Variants in PCDHGA2 observed in about 807,000 individuals in gnomAD.
PCDHGA2 encodes the protein protocadherin gamma-A2.
In PCDHGA2, 40 loss-of-function variants were observed where a neutral mutation model predicts 59.2. That is an observed-to-expected ratio of 0.68 (90% confidence interval 0.52 to 0.88). The LOEUF (loss-of-function observed/expected upper bound fraction) is 0.88. Among genes scored for constraint, PCDHGA2 ranks in the 40% least tolerant of loss-of-function variants. The probability of loss-of-function intolerance (pLI) is 0.00; values close to 1 mark genes in which losing one functional copy is unlikely to be tolerated. For missense variants in PCDHGA2, 1,226 were observed against 1,204.0 expected, an observed-to-expected ratio of 1.02 and a Z score of -0.27; for synonymous variants, 560 against 526.0, an observed-to-expected ratio of 1.06 and a Z score of -0.89.
At chr5:141,461,757 G>A (rs2099022119) in intron 1 of PCDHGA2, among the ~76,000 whole-genome samples, 1 of 151,994 alleles carries the variant, frequency 6.6e-6, no homozygotes, top group Non-Finnish European at 1.5e-5. Context: ...AGATTCAAGC[G>A]ATTCTCCTGC....
chr5:141,462,657 T>G (rs949098251), intron 1 of PCDHGA2, among the ~76,000 whole-genome samples: 1 of 152,164 alleles, frequency 6.6e-6, no homozygotes, highest in East Asian at 1.9e-4. Flanking sequence ...TCCTCAATTA[T>G]CTTCATATTT....
In PCDHGA2 at chr5:141,445,206, A is replaced by G. The variant is rs1244524491; in HGVS notation, c.2425-49601A>G. On this transcript the variant is annotated intron_variant, in intron 1 of 3. Transcript: ENST00000394576. ...TTTTTATGTATTCTATATGCTTTTGAAAAGTAAGAGGTGCAAAGTGCTCTA... is the reference window on the plus strand; with the variant it reads ...TTTTTATGTATTCTATATGCTTTTGGAAAGTAAGAGGTGCAAAGTGCTCTA... 3.3e-5 allele frequency among the ~76,000 whole-genome samples: 5 copies of G among 152,182 alleles called. No individual in the cohort carries two copies. The East Asian group carries it at 7.7e-4, about 23-fold the overall frequency.
In PCDHGA2 at chr5:141,477,813, A is replaced by T; in HGVS notation, c.2425-16994A>T. ...ACTGATCGCAATGACAATGCCCCCC[A>T]GGTCCTATATCCTCGGCCAGGTGGG... On this transcript the variant is annotated intron_variant, in intron 1 of 3. Coordinates refer to ENST00000394576, the MANE Select transcript of PCDHGA2 (RefSeq NM_018915.4). The surrounding 1 kb of genome is among the most constrained non-coding windows in gnomAD (Gnocchi z 4.9). The T allele has an allele frequency of 6.2e-7, 1 of 1,614,122 alleles. No homozygotes were observed. The highest frequency in any genetic ancestry group is 1.1e-5 in the South Asian group (1 of 91,084).
At chr5:141,387,610 T>A in intron 1 of PCDHGA2, 2 of 558,176 alleles carry the variant, frequency 3.6e-6, no homozygotes, top group East Asian at 3.0e-5. Flanking sequence ...AGGCTGTAGT[T>A]TCCTAGTGCT....
chr5:141,459,699 A>G (rs2098973201), intron 1 of PCDHGA2, among the ~76,000 whole-genome samples: 1 of 152,218 alleles, frequency 6.6e-6, no homozygotes, highest in Non-Finnish European at 1.5e-5. Flanking sequence ...TCCGCTTGCT[A>G]CATTTTCTCA....
chr5:141,511,412 C>A lies in PCDHGA2; in HGVS notation c.*239C>A. 1.1e-6 allele frequency: 1 copy of A among 892,000 alleles called. No homozygotes were observed. Among genetic ancestry groups the A allele is most frequent in the Non-Finnish European group, 1.6e-6 (1 of 609,476 alleles). The allele number at this position is 892,000 out of a possible 1,614,324, so 55.3% of individuals were successfully genotyped here. On this transcript the variant is annotated 3_prime_UTR_variant, in exon 4 of 4. Coordinates refer to ENST00000394576, the MANE Select transcript of PCDHGA2 (RefSeq NM_018915.4). ...AACCCCCATCCAATCAACTGCTGTA[C>A]CCATGGGGGTAGTGGGGTTACTGTA...
intron 1 of PCDHGA2, among the ~76,000 whole-genome samples, chr5:141,492,165 C>T (rs932762928): frequency 1.4e-4 from 22 of 152,210 alleles, no homozygotes; most frequent in African/African-American, 4.8e-4. Context: ...TCCCTATCCC[C>T]GCATCACCCA....
chr5:141,382,175 C>G (rs1273619481), intron 1 of PCDHGA2, among the ~76,000 whole-genome samples: 3 of 152,028 alleles, frequency 2.0e-5, no homozygotes, highest in Non-Finnish European at 2.9e-5. Context: ...TAGACCGTCT[C>G]TAAGGTTCTA....
intron 1 of PCDHGA2, chr5:141,364,549 GC>G (rs748045143): frequency 1.5e-5 from 25 of 1,614,000 alleles, no homozygotes; most frequent in South Asian, 1.4e-4. Flanking sequence ...GTAGGACGCA[GC>G]TTTTTGCCCT....
At position 141,406,249 on chromosome 5, in the gene PCDHGA2, G is replaced by A. The variant is rs73279090; in HGVS notation, c.2424+64854G>A. Among the ~76,000 whole-genome samples, 1,262 of 152,022 alleles carry A rather than the reference G, an allele frequency of 8.3e-3. 17 individuals are homozygous for A. The highest frequency in any genetic ancestry group is 0.029 in the African/African-American group (1,198 of 41,452). On this transcript the variant is annotated intron_variant, in intron 1 of 3. Coordinates refer to ENST00000394576, the MANE Select transcript of PCDHGA2 (RefSeq NM_018915.4). ...CTAGCAAGCTATGTTGCCCAGACTG[G>A]TCTCAAACGATCTTCCTGCTTCAGT...
intron 1 of PCDHGA2, among the ~76,000 whole-genome samples, chr5:141,456,105 G>T (rs2098843517): frequency 6.6e-6 from 1 of 151,978 alleles, no homozygotes; most frequent in Non-Finnish European, 1.5e-5. Context: ...CACCGTGTTA[G>T]CCAGGATGGT....
At chr5:141,406,244 G>C (rs1214749681) in intron 1 of PCDHGA2, among the ~76,000 whole-genome samples, 1 of 151,936 alleles carries the variant, frequency 6.6e-6, no homozygotes, top group Non-Finnish European at 1.5e-5. Context: ...ATGTTGCCCA[G>C]ACTGGTCTCA....
chr5:141,360,237 C>A, intron 1 of PCDHGA2: 1 of 1,613,902 alleles, frequency 6.2e-7, no homozygotes, highest in Non-Finnish European at 8.5e-7. Flanking sequence ...TCCAGATCCG[C>A]TATTCAATTC....
chr5:141,351,887 A>T (rs778485455), intron 1 of PCDHGA2: 1 of 1,613,388 alleles, frequency 6.2e-7, no homozygotes, highest in Non-Finnish European at 8.5e-7. Context: ...CGCCAACGTG[A>T]GCCTGCGCGT....
intron 1 of PCDHGA2, chr5:141,388,015 G>A (rs2091197688): frequency 6.8e-7 from 1 of 1,467,954 alleles, no homozygotes; most frequent in South Asian, 1.3e-5. Context: ...ATGCCCAAGG[G>A]CTCCGTAGTG....
intron 1 of PCDHGA2, among the ~76,000 whole-genome samples, chr5:141,449,978 T>A (rs1025332419): frequency 6.6e-6 from 1 of 151,030 alleles, no homozygotes; most frequent in Non-Finnish European, 1.5e-5. Context: ...GTCCAAAATA[T>A]CACACATTGC....
chr5:141,487,512 C>T lies in PCDHGA2; in HGVS notation c.2425-7295C>T, dbSNP rs372606253. The stretch of plus-strand genomic sequence containing the variant: ...TGTACACCCTTGGCTTCTGCACCCA[C>T]TCGGAGTGATAGCTTCATGATGGTG... On this transcript the variant is annotated intron_variant, in intron 1 of 3. Transcript: ENST00000394576. This position sits in a 1 kb window ranked among gnomAD's most constrained non-coding sequence, Gnocchi z 5.0. 3.7e-6 allele frequency: 6 copies of T among 1,614,082 alleles called. No homozygotes were observed. The highest frequency in any genetic ancestry group is 5.1e-6 in the Non-Finnish European group (6 of 1,180,044).
At position 141,370,934 on chromosome 5, in the gene PCDHGA2, G is replaced by C. The variant is rs757298448; in HGVS notation, c.2424+29539G>C. The C allele has an allele frequency of 1.2e-6, 2 of 1,613,980 alleles. No homozygotes were observed. Among genetic ancestry groups the C allele is most frequent in the South Asian group, 2.2e-5 (2 of 91,086 alleles). On this transcript the variant is annotated intron_variant, in intron 1 of 3. Coordinates refer to ENST00000394576, the MANE Select transcript of PCDHGA2 (RefSeq NM_018915.4). ...TCAGCCCTGATCCGCACTTCTCTTT[G>C]ATTCAGAAGGAGAACCTGGATGGCA... is the stretch of plus-strand genomic sequence containing the variant.
At chr5:141,497,713 T>C (rs1357797720) in intron 2 of PCDHGA2, among the ~76,000 whole-genome samples, 3 of 152,084 alleles carry the variant, frequency 2.0e-5, no homozygotes, top group Non-Finnish European at 1.5e-5. Context: ...CTCATTTTTG[T>C]ATTTTTAGTA....
Sources: gnomAD v4.1 joint callset for allele counts (sites outside exome capture counted in the v4.1 genomes callset) on GRCh38, gnomAD v4.1.1 for gene constraint, Gnocchi (gnomAD v3.1) non-coding constraint, MANE v1.5 for transcripts, NCBI Gene and HGNC (gene_info 2026-07-23, HGNC 2026-07-21) for gene names.